Variants in DRAM1 observed in about 807,000 individuals in gnomAD.
DRAM1 encodes the protein DNA damage-regulated autophagy modulator protein 1.
A neutral mutation model predicts 28.5 loss-of-function variants in DRAM1; 25 were observed. That is an observed-to-expected ratio of 0.88 (90% CI 0.64 to 1.23). The LOEUF (loss-of-function observed/expected upper bound fraction) is 1.23, where lower values mean the gene tolerates loss of function less well. DRAM1 is among the 50% of genes most tolerant of loss of function. DRAM1 has a pLI of 0.00. For synonymous variants in DRAM1, 113 were observed against 114.2 expected (o/e 0.99, Z 0.07); for missense variants, 249 against 299.2 (o/e 0.83, Z 1.24).
At chr12:101,921,098 A>C in intron 6 of DRAM1, 118 bp from the exon 7 acceptor site, 1 of 785,178 alleles carries the variant, frequency 1.3e-6, no homozygotes, top group Non-Finnish European at 2.3e-6. Flanking sequence ...TGACTCAAGC[A>C]TAGCACAAAC....
rs1403211448 is a variant in DRAM1, at chr12:101,921,317, A to G, written c.*57A>G. On this transcript the variant is annotated 3_prime_UTR_variant, in exon 7 of 7. Coordinates refer to ENST00000258534, the MANE Select transcript of DRAM1 (RefSeq NM_018370.3). ...GTCGCAGGCCATTTCTAAAAGTGCTACAGAGGACAGACAGGGTTTTGAGGC... is the reference window on the plus strand; with the variant it reads ...GTCGCAGGCCATTTCTAAAAGTGCTGCAGAGGACAGACAGGGTTTTGAGGC... The G allele has an allele frequency of 5.5e-6, 8 of 1,448,368 alleles. No individual in the cohort carries two copies. In the East Asian group the frequency reaches 1.6e-4, roughly 29 times the overall value. The allele number at this position is 1,448,368 out of a possible 1,614,324, so 89.7% of individuals were successfully genotyped here. A position where few individuals can be genotyped will look rare whatever the true frequency, so the allele number is the denominator to read the frequency against.
At chr12:101,888,812 T>G (rs1872985818) in intron 1 of DRAM1, among the ~76,000 whole-genome samples, 1 of 123,196 alleles carries the variant, frequency 8.1e-6, no homozygotes, top group African/African-American at 3.0e-5. Context: ...TTTTTTTTTT[T>G]TTTTGGTCAG....
At chr12:101,917,115 A>G (rs996902116) in intron 5 of DRAM1, among the ~76,000 whole-genome samples, 13 of 152,230 alleles carry the variant, frequency 8.5e-5, no homozygotes, top group African/African-American at 3.1e-4. Context: ...GGAGTCAGTG[A>G]TGTTTGTCAA....
chr12:101,881,358 C>CT (rs11368396), intron 1 of DRAM1, among the ~76,000 whole-genome samples: 99,823 of 151,902 alleles, frequency 0.66, 34,505 homozygotes, highest in East Asian at 0.91. Context: ...AACCTTATCC[C>CT]TTTTTGTTGT....
chr12:101,918,025 A>G (rs898446041), intron 5 of DRAM1, among the ~76,000 whole-genome samples: 6 of 152,230 alleles, frequency 3.9e-5, no homozygotes, highest in African/African-American at 1.4e-4. Context: ...AAAAATGTGA[A>G]AAGCACATGG....
intron 5 of DRAM1, among the ~76,000 whole-genome samples, chr12:101,915,849 C>T (rs923895369): frequency 8.5e-5 from 13 of 152,170 alleles, no homozygotes; most frequent in Non-Finnish European, 1.6e-4. Context: ...CGTGAACCAC[C>T]ACGCCCAACC....
intron 3 of DRAM1, among the ~76,000 whole-genome samples, chr12:101,907,397 A>G (rs1344324753): frequency 3.3e-5 from 5 of 151,446 alleles, no homozygotes; most frequent in Non-Finnish European, 7.4e-5. Flanking sequence ...TTTTTTTTCA[A>G]TCATATCATA....
rs1282175016 is a variant in DRAM1 at position 101,901,342 on chromosome 12, C to A, written c.251C>A (p.Thr84Asn). The A allele has an allele frequency of 5.0e-6, 8 of 1,614,092 alleles. No individual in the cohort carries two copies. The highest frequency in any genetic ancestry group is 1.7e-5 in the Admixed American group (1 of 60,002). Reference sequence around the variant, plus strand: ...AAAATAGTACAGAAGCAAAATCAAACCTGCTATTTCAGCACTCCTGTTTTT... The same window carrying A: ...AAAATAGTACAGAAGCAAAATCAAAACTGCTATTTCAGCACTCCTGTTTTT... Reference protein sequence around the residue: ...RYKIVQKQNQTCYFSTPVFNL... With the variant: ...RYKIVQKQNQNCYFSTPVFNL... Residue 84 changes from threonine (T) to asparagine (N), a missense_variant, in exon 3 of 7, where the codon ACC (threonine) becomes AAC (asparagine). Physicochemically the swap from Thr to Asn is moderately conservative, Grantham distance 65. This residue lies in a region of DRAM1 where 218 missense variants were observed against 243.1 expected (regional missense o/e 0.90). Coordinates refer to ENST00000258534, the MANE Select transcript of DRAM1 (RefSeq NM_018370.3).
intron 2 of DRAM1, 80 bp downstream of exon 2, chr12:101,898,010 T>A (rs770770367): frequency 6.1e-5 from 51 of 830,276 alleles, no homozygotes; most frequent in Non-Finnish European, 8.4e-5. Flanking sequence ...GTAGTTTTCA[T>A]ATAATTTTTA....
chr12:101,879,190 G>T (rs1872604355), intron 1 of DRAM1, among the ~76,000 whole-genome samples: 2 of 151,966 alleles, frequency 1.3e-5, no homozygotes, highest in South Asian at 4.2e-4. Flanking sequence ...TAGAGACAGG[G>T]TTTCACTATG....
chr12:101,913,054 C>G lies in DRAM1; in HGVS notation c.521-1120C>G, dbSNP rs1323430322. Reference sequence around the variant, plus strand: ...AACATTTTGAATTTCTAATATTTTGCAGACTTTTTAGAGCATCCCATTTCT... The same window carrying G: ...AACATTTTGAATTTCTAATATTTTGGAGACTTTTTAGAGCATCCCATTTCT... On this transcript the variant is annotated intron_variant, in intron 4 of 6. Transcript: ENST00000258534. Among the ~76,000 whole-genome samples, 4 of 152,058 alleles carry G rather than the reference C, an allele frequency of 2.6e-5. No individual in the cohort carries two copies. The East Asian group carries it at 7.7e-4, about 29-fold the overall frequency.
At chr12:101,903,818 C>T (rs150421033) in intron 3 of DRAM1, among the ~76,000 whole-genome samples, 1 of 151,756 alleles carries the variant, frequency 6.6e-6, no homozygotes, top group African/African-American at 2.4e-5. Flanking sequence ...AATCCCAGCA[C>T]TTAGGGAAGC....
At chr12:101,884,406 C>G (rs1268033749) in intron 1 of DRAM1, among the ~76,000 whole-genome samples, 2 of 150,774 alleles carry the variant, frequency 1.3e-5, no homozygotes, top group African/African-American at 4.9e-5. Flanking sequence ...TGCACACGGC[C>G]ACACCCACAT....
intron 3 of DRAM1, among the ~76,000 whole-genome samples, chr12:101,905,757 T>TTTTATTTATTTA (rs141269206): frequency 0.073 from 10,749 of 147,430 alleles, 442 homozygotes; most frequent in Middle Eastern, 0.13. Context: ...GCCCATCTGA[T>TTTTATTTATTTA]TTTATTTATT....
intron 3 of DRAM1, among the ~76,000 whole-genome samples, chr12:101,903,926 T>TACACACACAC (rs775764624): frequency 7.4e-5 from 10 of 136,016 alleles, no homozygotes; most frequent in South Asian, 6.9e-4. Context: ...CACACACACA[T>TACACACACAC]ACACACACAC....
intron 1 of DRAM1, among the ~76,000 whole-genome samples, chr12:101,891,218 C>T (rs1424350906): frequency 6.6e-6 from 1 of 152,032 alleles, no homozygotes; most frequent in Non-Finnish European, 1.5e-5. Flanking sequence ...TCTCTTTATA[C>T]TGGGGAATTA....
chr12:101,889,467 G>A (rs1254905342), intron 1 of DRAM1, among the ~76,000 whole-genome samples: 1 of 141,446 alleles, frequency 7.1e-6, no homozygotes, highest in Non-Finnish European at 1.6e-5. Flanking sequence ...GAGATGAGAC[G>A]AGATGAGAAG....
intron 2 of DRAM1, among the ~76,000 whole-genome samples, 161 bp downstream of exon 2, chr12:101,898,091 GC>G (rs2121087671): frequency 6.6e-6 from 1 of 152,226 alleles, no homozygotes; most frequent in Non-Finnish European, 1.5e-5. Context: ...CGTGATCACG[GC>G]TCACTGCAGC....
intron 2 of DRAM1, among the ~76,000 whole-genome samples, chr12:101,900,098 C>A (rs1402137709): frequency 6.6e-6 from 1 of 152,106 alleles, no homozygotes; most frequent in East Asian, 1.9e-4. Context: ...CAACAGCCAA[C>A]AAAACAGACA....
Sources: gnomAD v4.1 joint callset for allele counts (sites outside exome capture counted in the v4.1 genomes callset) on GRCh38, gnomAD v4.1.1 for gene constraint, gnomAD v4.1.1 regional missense constraint, MANE v1.5 for transcripts, NCBI Gene and HGNC (gene_info 2026-07-23, HGNC 2026-07-21) for gene names.